OR5M8: variants seen among roughly 807,000 people sequenced by gnomAD.
The protein encoded by OR5M8 is olfactory receptor family 5 subfamily M member 8.
For synonymous variants in OR5M8, 163 were observed against 141.5 expected (o/e 1.15, Z -1.08); for missense variants, 445 against 379.3 (o/e 1.17, Z -1.44).
chr11:56,490,718 A>T lies in OR5M8; in HGVS notation c.653T>A (p.Leu218His). Residue 218 changes from leucine to histidine, a missense_variant, in exon 1 of 1, where the codon CTT becomes CAT. Physicochemically the swap from Leu to His is moderately conservative, Grantham distance 99 (BLOSUM62 -3). Transcript: ENST00000327216. ...FSLFIICISY[L>H]YIFPAILKIR... ...CTTTAAAATAGCAGGGAAAATGTAA[A>T]GGTAGGAAATACATATGATGAAGAG... is the stretch of plus-strand genomic sequence containing the variant. The T allele has an allele frequency of 6.2e-7, 1 of 1,614,230 alleles. No individual in the cohort carries two copies. The highest frequency in any genetic ancestry group is 8.5e-7 in the Non-Finnish European group (1 of 1,180,040).
At position 56,490,606 on chromosome 11, in the gene OR5M8, G is replaced by A; in HGVS notation, c.765C>T (p.Phe255=). ...TTGAGGGGGGTCTGAGATACATGAAGAAAAGGGTTGCATAGAATATAGTGA... is the reference window on the plus strand; with the variant it reads ...TTGAGGGGGGTCTGAGATACATGAAAAAAAGGGTTGCATAGAATATAGTGA... ...TAVTIFYATL[F]FMYLRPPSKE... is the part of the protein sequence containing the mutation. Residue 255 remains phenylalanine (F), a synonymous_variant, in exon 1 of 1, where the codon TTC becomes TTT. Transcript: ENST00000327216. 1.2e-6 allele frequency: 2 copies of A among 1,613,922 alleles called. No individual in the cohort carries two copies. Among genetic ancestry groups the A allele is most frequent in the Non-Finnish European group, 1.7e-6 (2 of 1,179,956 alleles).
At position 56,491,217 on chromosome 11, in the gene OR5M8, C is replaced by A. The variant is rs760153338; in HGVS notation, c.154G>T (p.Ala52Ser). Residue 52 changes from alanine to serine, a missense_variant, in exon 1 of 1, where the codon GCC (alanine) becomes TCC (serine). Coordinates refer to ENST00000327216, the MANE Select transcript of OR5M8 (RefSeq NM_001005282.1). ...AAGTACATGGGCATGTGGAGCCAGG[C>A]GTTGGCCTGGATGAGGACAATCATG... The part of the protein sequence containing the change: ...LGMIVLIQAN[A>S]WLHMPMYFFL... 1.9e-6 allele frequency: 3 copies of A among 1,614,194 alleles called. No homozygotes were observed. Among genetic ancestry groups the A allele is most frequent in the Non-Finnish European group, 2.5e-6 (3 of 1,180,040 alleles).
chr11:56,490,654 G>A lies in OR5M8; in HGVS notation c.717C>T (p.Thr239=). 1.2e-6 allele frequency: 2 copies of A among 1,613,830 alleles called. No individual in the cohort carries two copies. Among genetic ancestry groups the A allele is most frequent in the South Asian group, 1.1e-5 (1 of 91,048 alleles). Residue 239 remains threonine, a synonymous_variant, in exon 1 of 1, where the codon ACC becomes ACT. Transcript: ENST00000327216. ...TGACAGCTGTCAGATGGGAGCCACAGGTAGAAAAAGCTTTTTGCCTGCCCT... is the reference window on the plus strand; with the variant it reads ...TGACAGCTGTCAGATGGGAGCCACAAGTAGAAAAAGCTTTTTGCCTGCCCT... ...STEGRQKAFS[T]CGSHLTAVTI...
rs1181562446 is a variant in OR5M8, at chr11:56,490,625, A to G, written c.746T>C (p.Ile249Thr). The G allele has an allele frequency of 6.2e-7, 1 of 1,613,956 alleles. No individual in the cohort carries two copies. Among genetic ancestry groups the G allele is most frequent in the African/African-American group, 1.3e-5 (1 of 74,920 alleles). Reference protein sequence around the residue: ...TCGSHLTAVTIFYATLFFMYL... With the variant: ...TCGSHLTAVTTFYATLFFMYL... ...CATGAAGAAAAGGGTTGCATAGAAT[A>G]TAGTGACAGCTGTCAGATGGGAGCC... is the stretch of plus-strand genomic sequence containing the variant. Residue 249 changes from isoleucine to threonine, a missense_variant, in exon 1 of 1, where the codon ATA (isoleucine) becomes ACA (threonine). By Grantham distance (89) the Ile-to-Thr change is moderately conservative. Transcript: ENST00000327216.
Position 56,490,997 on chromosome 11 carries a change from A to T in OR5M8, c.374T>A (p.Ile125Asn), listed in dbSNP as rs767188831. The part of the protein sequence containing the change: ...AVMAFDRYMA[I>N]CNPLLYGSRM... ...GCTGCCATAAAGCAGAGGGTTGCAG[A>T]TGGCCATGTACCGGTCAAAGGCCAT... is the stretch of plus-strand genomic sequence containing the variant. Residue 125 changes from isoleucine (I) to asparagine (N), a missense_variant, in exon 1 of 1, where the codon ATC becomes AAC. Ile to Asn is a moderately radical substitution (Grantham distance 149). Coordinates refer to ENST00000327216, the MANE Select transcript of OR5M8 (RefSeq NM_001005282.1). 72 of 1,614,172 alleles carry T rather than the reference A, an allele frequency of 4.5e-5. No individual in the cohort carries two copies. The South Asian group carries it at 7.2e-4, about 16-fold the overall frequency.
Sources: gnomAD v4.1 joint callset for allele counts on GRCh38, gnomAD v4.1.1 for gene constraint, MANE v1.5 for transcripts, NCBI Gene and HGNC (gene_info 2026-07-23, HGNC 2026-07-21) for gene names.